CSF2RB: variants seen among roughly 807,000 people sequenced by gnomAD.
CSF2RB encodes cytokine receptor common subunit beta.
A neutral mutation model predicts 67.2 loss-of-function variants in CSF2RB; 22 were observed. The observed-to-expected ratio is 0.33, with a 90% CI of 0.23 to 0.47. CSF2RB has a LOEUF of 0.47. Ranked by LOEUF, CSF2RB falls within the 20% of genes least tolerant of loss-of-function variation. The pLI is 1.00. For missense variants in CSF2RB, 1,113 were observed against 1,174.5 expected (o/e 0.95, Z 0.76); for synonymous variants, 507 against 482.9 (o/e 1.05, Z -0.65).
Position 36,937,896 on chromosome 22 carries a change from C to G in CSF2RB, c.2088C>G (p.Pro696=). 1 of 1,614,150 alleles carries G rather than the reference C, an allele frequency of 6.2e-7. No individual in the cohort carries two copies. Among genetic ancestry groups the G allele is most frequent in the Non-Finnish European group, 8.5e-7 (1 of 1,180,006 alleles). Residue 696 remains proline (P), a synonymous_variant, in exon 14 of 14, where the codon CCC becomes CCG. Coordinates refer to ENST00000403662, the MANE Select transcript of CSF2RB (RefSeq NM_000395.3). This position sits in a 1 kb window ranked among gnomAD's most constrained non-coding sequence, Gnocchi z 4.6. Reference sequence around the variant, plus strand: ...AAAAGGACAGCCCTGTGGCTATACCCATGAGCTCTGGGGACACTGAGGACC... The same window carrying G: ...AAAAGGACAGCCCTGTGGCTATACCGATGAGCTCTGGGGACACTGAGGACC... ...QDQKDSPVAI[P]MSSGDTEDPG...
rs112229798 is a variant in CSF2RB at position 36,926,120 on chromosome 22, T to C, written c.334T>C (p.Ser112Pro). 6.2e-7 allele frequency: 1 copy of C among 1,614,192 alleles called. No individual in the cohort carries two copies. The highest frequency in any genetic ancestry group is 1.1e-5 in the South Asian group (1 of 91,084). Residue 112 changes from serine to proline, a missense_variant, in exon 4 of 14, where the codon TCA (serine) becomes CCA (proline). By Grantham distance (74) the Ser-to-Pro change is moderately conservative. This residue lies in a region of CSF2RB where 559 missense variants were observed against 656.5 expected (regional missense o/e 0.85). Coordinates refer to ENST00000403662, the MANE Select transcript of CSF2RB (RefSeq NM_000395.3). Reference sequence around the variant, plus strand: ...TGTCGTCACTGACGTTGACTACTTCTCATTCCAACCAGACAGGCCTCTGGG... The same window carrying C: ...TGTCGTCACTGACGTTGACTACTTCCCATTCCAACCAGACAGGCCTCTGGG... Reference protein sequence around the residue: ...SFVVTDVDYFSFQPDRPLGTR... With the variant: ...SFVVTDVDYFPFQPDRPLGTR...
chr22:36,935,852 C>T (rs924497830), intron 12 of CSF2RB, among the ~76,000 whole-genome samples, 165 bp downstream of exon 12: 2 of 152,146 alleles, frequency 1.3e-5, no homozygotes, highest in South Asian at 2.1e-4. Context: ...GAAATTCATT[C>T]CCGGGATTCC....
In CSF2RB at chr22:36,933,865, A is replaced by G; in HGVS notation, c.1186A>G (p.Ser396Gly). The change falls in exon 10 of 14, where the codon AGC (serine) becomes GGC (glycine). Residue 396 changes from serine (S) to glycine (G), a missense_variant. Physicochemically the swap from Ser to Gly is moderately conservative, Grantham distance 56. This residue lies in a region of CSF2RB where 559 missense variants were observed against 656.5 expected (regional missense o/e 0.85). Transcript: ENST00000403662. ...GACCGAGACCCTCCAGAACGCCCACAGCATGGCCCTGCCAGCCCTGGAGCC... is the reference window on the plus strand; with the variant it reads ...GACCGAGACCCTCCAGAACGCCCACGGCATGGCCCTGCCAGCCCTGGAGCC... ...SKTETLQNAH[S>G]MALPALEPST... 3 of 1,610,562 alleles carry G rather than the reference A, an allele frequency of 1.9e-6. No homozygotes were observed. The highest frequency in any genetic ancestry group is 1.7e-6 in the Non-Finnish European group (2 of 1,179,878).
chr22:36,937,848 G>A lies in CSF2RB; in HGVS notation c.2040G>A (p.Gly680=). The stretch of plus-strand genomic sequence containing the variant: ...GAGGCCCTGCCCCTCCTGCTCTTGG[G>A]CCAAGGGTGGGAGGACAGGACCAAA... The part of the protein sequence containing the change: ...SGGGPAPPAL[G]PRVGGQDQKD... Residue 680 remains glycine, a synonymous_variant, in exon 14 of 14, where the codon GGG becomes GGA. Coordinates refer to ENST00000403662, the MANE Select transcript of CSF2RB (RefSeq NM_000395.3). The surrounding 1 kb of genome is among the most constrained non-coding windows in gnomAD (Gnocchi z 4.6). 2 of 1,613,360 alleles carry A rather than the reference G, an allele frequency of 1.2e-6. No homozygotes were observed. Among genetic ancestry groups the A allele is most frequent in the East Asian group, 2.2e-5 (1 of 44,854 alleles).
intron 1 of CSF2RB, 30 bp from the exon 2 acceptor site, chr22:36,922,006 G>A (rs1940883352): frequency 8.2e-6 from 5 of 606,158 alleles, no homozygotes; most frequent in South Asian, 7.6e-5. Context: ...AAGGGGAGGG[G>A]CAGCTCACTG....
At chr22:36,918,466 G>A (rs577290315) in intron 1 of CSF2RB, among the ~76,000 whole-genome samples, 1 of 152,140 alleles carries the variant, frequency 6.6e-6, no homozygotes, top group Non-Finnish European at 1.5e-5. Flanking sequence ...CTTGCAAGAC[G>A]AAAAGTTTAC....
At chr22:36,921,256 A>ATGTG (rs1225392530) in intron 1 of CSF2RB, among the ~76,000 whole-genome samples, 1 of 130,534 alleles carries the variant, frequency 7.7e-6, no homozygotes, top group African/African-American at 2.7e-5. Context: ...GTGTGTTTGT[A>ATGTG]TGTGTGTGTG....
At chr22:36,923,598 G>A (rs1940935450) in intron 3 of CSF2RB, among the ~76,000 whole-genome samples, 1 of 152,210 alleles carries the variant, frequency 6.6e-6, no homozygotes, top group Non-Finnish European at 1.5e-5. Context: ...CACTGATGTT[G>A]GTGACAATGG....
In CSF2RB at chr22:36,935,672, G is replaced by A. The variant is rs939352053; in HGVS notation, c.1449G>A (p.Lys483=). Residue 483 remains lysine, a synonymous_variant, in exon 12 of 14, where the codon AAG becomes AAA. Coordinates refer to ENST00000403662, the MANE Select transcript of CSF2RB (RefSeq NM_000395.3). ...KWEEKIPNPS[K]SHLFQNGSAE... ...AGGAGAAGATCCCCAACCCCAGCAA[G>A]AGCCACCTGTTCCAGGTAGGAACTG... 1 of 1,614,030 alleles carries A rather than the reference G, an allele frequency of 6.2e-7. No homozygotes were observed. The highest frequency in any genetic ancestry group is 1.3e-5 in the African/African-American group (1 of 74,928).
chr22:36,921,656 A>G (rs371133381), intron 1 of CSF2RB, among the ~76,000 whole-genome samples: 1 of 152,090 alleles, frequency 6.6e-6, no homozygotes, highest in South Asian at 2.1e-4. Context: ...ATGACGGTAA[A>G]AGGAGCAGGG....
rs1455840729 is a variant in CSF2RB, at chr22:36,930,355, A to C, written c.719-20A>C. 1 of 1,613,288 alleles carries C rather than the reference A, an allele frequency of 6.2e-7. No individual in the cohort carries two copies. The stretch of plus-strand genomic sequence containing the variant: ...GGAGGGATGAATGACGGAGTACATG[A>C]GGACCTGTCTCCAACCCAGGGGATG... On this transcript the variant is annotated intron_variant, in intron 6 of 13. Transcript: ENST00000403662.
At chr22:36,932,163 G>A (rs542668572) in intron 8 of CSF2RB, among the ~76,000 whole-genome samples, 7 of 152,306 alleles carry the variant, frequency 4.6e-5, no homozygotes, top group Non-Finnish European at 7.4e-5. Flanking sequence ...GGCTGGGCGC[G>A]GTGGCTCACG....
At chr22:36,923,076 C>G (rs1255981800) in intron 2 of CSF2RB, among the ~76,000 whole-genome samples, 168 bp from the exon 3 acceptor site, 1 of 152,176 alleles carries the variant, frequency 6.6e-6, no homozygotes, top group Non-Finnish European at 1.5e-5. Context: ...CAACCAGGAG[C>G]CCACCCCGGC....
At chr22:36,925,857 T>A (rs1170099335) in intron 3 of CSF2RB, 130 bp from the exon 4 acceptor site, 1 of 1,029,420 alleles carries the variant, frequency 9.7e-7, no homozygotes, top group East Asian at 2.6e-5. Context: ...GTGGGCAGGA[T>A]TTTTGTGTGT....
intron 1 of CSF2RB, among the ~76,000 whole-genome samples, chr22:36,916,948 A>T (rs753759945): frequency 1.1e-4 from 16 of 152,176 alleles, no homozygotes; most frequent in South Asian, 4.1e-4. Context: ...AGATGATCTG[A>T]GGGACATTGA....
chr22:36,933,013 T>A, intron 9 of CSF2RB, 109 bp downstream of exon 9: 1 of 1,368,104 alleles, frequency 7.3e-7, no homozygotes, highest in Non-Finnish European at 1.0e-6. Flanking sequence ...AGGTGACCAG[T>A]GAGAGGTAGC....
intron 1 of CSF2RB, among the ~76,000 whole-genome samples, chr22:36,914,336 C>A (rs1486871312): frequency 6.6e-6 from 1 of 152,046 alleles, no homozygotes; most frequent in Non-Finnish European, 1.5e-5. Context: ...TCACTTTGAA[C>A]TTGAGAAAGA....
rs756424237 is a variant in CSF2RB at position 36,930,727 on chromosome 22, G to T, written c.909G>T (p.Arg303Ser). Reference sequence around the variant, plus strand: ...AGGGGCTCGGCAGCCTCCACACCAGGCACCACTGCCAGATTCCCGTGCCCG... The same window carrying T: ...AGGGGCTCGGCAGCCTCCACACCAGTCACCACTGCCAGATTCCCGTGCCCG... ...LREGLGSLHTRHHCQIPVPDP... is the reference protein window; with the variant it reads ...LREGLGSLHTSHHCQIPVPDP... The change falls in exon 8 of 14, where the codon AGG becomes AGT. Residue 303 changes from arginine (R) to serine (S), a missense_variant. Transcript: ENST00000403662. The T allele has an allele frequency of 6.2e-7, 1 of 1,613,474 alleles. No homozygotes were observed. The highest frequency in any genetic ancestry group is 1.7e-5 in the Admixed American group (1 of 60,018).
At position 36,937,886 on chromosome 22, in the gene CSF2RB, T is replaced by A. The variant is rs1407455155; in HGVS notation, c.2078T>A (p.Val693Glu). ...VGGQDQKDSP[V>E]AIPMSSGDTE... ...GGACAGGACCAAAAGGACAGCCCTG[T>A]GGCTATACCCATGAGCTCTGGGGAC... Residue 693 changes from valine (V) to glutamate (E), a missense_variant, in exon 14 of 14, where the codon GTG becomes GAG. Transcript: ENST00000403662. The surrounding 1 kb of genome is among the most constrained non-coding windows in gnomAD (Gnocchi z 4.6). 1.9e-6 allele frequency: 3 copies of A among 1,614,158 alleles called. No homozygotes were observed. In the East Asian group the frequency reaches 6.7e-5, roughly 36 times the overall value.
Sources: gnomAD v4.1 joint callset for allele counts (sites outside exome capture counted in the v4.1 genomes callset) on GRCh38, gnomAD v4.1.1 for gene constraint, gnomAD v4.1.1 regional missense constraint, Gnocchi (gnomAD v3.1) non-coding constraint, MANE v1.5 for transcripts, NCBI Gene and HGNC (gene_info 2026-07-23, HGNC 2026-07-21) for gene names.